Variants in WDPCP observed in about 807,000 individuals in gnomAD.
The protein encoded by WDPCP is WD repeat-containing and planar cell polarity effector protein fritz homolog.
In WDPCP, 71 loss-of-function variants were observed where a neutral mutation model predicts 93.1. That is an observed-to-expected ratio of 0.76 (90% confidence interval 0.63 to 0.93). The LOEUF (loss-of-function observed/expected upper bound fraction) is 0.93. Among genes scored for constraint, WDPCP ranks in the 40% least tolerant of loss-of-function variants. The pLI is 0.00. For missense variants in WDPCP, 844 were observed against 887.4 expected, an observed-to-expected ratio of 0.95 and a Z score of 0.62; for synonymous variants, 315 against 315.0, an observed-to-expected ratio of 1.00 and a Z score of 0.00.
chr2:63,807,446 A>C (rs1308815129), intron 2 of WDPCP, among the ~76,000 whole-genome samples: 4 of 152,116 alleles, frequency 2.6e-5, no homozygotes. Flanking sequence ...TTACACCATG[A>C]TTGGAAGCTT....
At chr2:63,280,081 TACC>T (rs1683408119) in intron 13 of WDPCP, among the ~76,000 whole-genome samples, 1 of 152,136 alleles carries the variant, frequency 6.6e-6, no homozygotes, top group South Asian at 2.1e-4. Flanking sequence ...AGTCTACAAA[TACC>T]ACCATCATTC....
intron 1 of WDPCP, among the ~76,000 whole-genome samples, chr2:63,522,447 G>GACACACACAC (rs1190142205): frequency 1.0e-5 from 1 of 96,656 alleles, no homozygotes; most frequent in African/African-American, 3.8e-5. Flanking sequence ...AAGACAGACA[G>GACACACACAC]ACAGACAGAC....
intron 2 of WDPCP, among the ~76,000 whole-genome samples, chr2:63,673,559 G>C (rs1390514984): frequency 6.6e-6 from 1 of 152,086 alleles, no homozygotes; most frequent in African/African-American, 2.4e-5. Flanking sequence ...TCATTGGTGG[G>C]AGAGGCTGGA....
At chr2:63,667,429 G>A (rs1237872563) in intron 2 of WDPCP, among the ~76,000 whole-genome samples, 1 of 152,200 alleles carries the variant, frequency 6.6e-6, no homozygotes, top group Non-Finnish European at 1.5e-5. Flanking sequence ...ACTCTGAAAT[G>A]ATGTTTTGCT....
chr2:63,502,472 C>A (rs563744289), intron 1 of WDPCP, among the ~76,000 whole-genome samples: 1 of 152,298 alleles, frequency 6.6e-6, no homozygotes, highest in East Asian at 1.9e-4. Flanking sequence ...ATATCCTCAA[C>A]AGCATGCAGC....
intron 3 of WDPCP, among the ~76,000 whole-genome samples, chr2:63,602,895 A>C (rs1221743533): frequency 7.1e-6 from 1 of 140,056 alleles, no homozygotes; most frequent in African/African-American, 2.6e-5. Flanking sequence ...TATTTATTCC[A>C]TTGCCTATGT....
chr2:63,820,717 G>A (rs1273066233), intron 1 of WDPCP, among the ~76,000 whole-genome samples: 1 of 152,026 alleles, frequency 6.6e-6, no homozygotes, highest in Non-Finnish European at 1.5e-5. Flanking sequence ...GGAAACGGTG[G>A]TTTTTTGGGG....
At chr2:63,491,953 G>A (rs1392656640) in intron 2 of WDPCP, among the ~76,000 whole-genome samples, 2 of 152,092 alleles carry the variant, frequency 1.3e-5, no homozygotes, top group African/African-American at 4.8e-5. Context: ...TCTGTCGAAA[G>A]GGTTTATACC....
intron 6 of WDPCP, among the ~76,000 whole-genome samples, chr2:63,465,134 ATTATTTATTTAT>A (rs912139828): frequency 6.6e-6 from 1 of 151,672 alleles, no homozygotes; most frequent in Non-Finnish European, 1.5e-5. Flanking sequence ...AAATTTATTT[ATTATTTATTTAT>A]TTATTTATTT....
intron 3 of WDPCP, among the ~76,000 whole-genome samples, chr2:63,635,756 C>T (rs938326244): frequency 1.2e-4 from 18 of 152,132 alleles, no homozygotes; most frequent in African/African-American, 3.9e-4. Context: ...ATCATTTCAA[C>T]GGTGAAAATC....
At chr2:63,680,505 C>T (rs1471438352) in intron 2 of WDPCP, among the ~76,000 whole-genome samples, 1 of 152,188 alleles carries the variant, frequency 6.6e-6, no homozygotes, top group East Asian at 1.9e-4. Context: ...TTTGGACCAG[C>T]CCTGGCCAGA....
intron 2 of WDPCP, among the ~76,000 whole-genome samples, chr2:63,730,829 G>A (rs1575760064): frequency 6.6e-6 from 1 of 152,050 alleles, no homozygotes; most frequent in African/African-American, 2.4e-5. Flanking sequence ...AAAATAAGCA[G>A]TGATTAAATG....
chr2:63,197,558 C>T (rs1214940538), intron 14 of WDPCP, among the ~76,000 whole-genome samples: 1 of 152,104 alleles, frequency 6.6e-6, no homozygotes, highest in Non-Finnish European at 1.5e-5. Flanking sequence ...AGAAAGCCTA[C>T]CTATTGAAGT....
chr2:63,313,215 G>T, intron 13 of WDPCP, 33 bp downstream of exon 13: 1 of 1,599,802 alleles, frequency 6.3e-7, no homozygotes, highest in South Asian at 1.1e-5. Flanking sequence ...CCTTAGAACT[G>T]AAGGCACAAA....
chr2:63,348,221 A>G (rs1297783329), intron 12 of WDPCP, among the ~76,000 whole-genome samples: 2 of 152,206 alleles, frequency 1.3e-5, no homozygotes, highest in African/African-American at 4.8e-5. Context: ...TAACTCACCC[A>G]AAGTTACCCA....
intron 13 of WDPCP, among the ~76,000 whole-genome samples, chr2:63,270,184 C>G (rs1330290966): frequency 6.6e-6 from 1 of 152,016 alleles, no homozygotes; most frequent in East Asian, 1.9e-4. Context: ...TGTATTAGGT[C>G]ACAACAATGA....
intron 1 of WDPCP, among the ~76,000 whole-genome samples, chr2:63,562,042 A>G (rs777240357): frequency 6.6e-6 from 1 of 152,230 alleles, no homozygotes; most frequent in Non-Finnish European, 1.5e-5. Context: ...AGGAGTATCA[A>G]TCATTCTGTT....
At chr2:63,687,184 G>A (rs1220773533) in intron 2 of WDPCP, among the ~76,000 whole-genome samples, 2 of 152,210 alleles carry the variant, frequency 1.3e-5, no homozygotes, top group African/African-American at 4.8e-5. Flanking sequence ...GCCATGGGTT[G>A]GACAAGCTTG....
Position 63,560,677 on chromosome 2 carries a change from T to C in WDPCP, c.75+27520A>G, listed in dbSNP as rs1167357502. Among the ~76,000 whole-genome samples, 3 of 152,154 alleles carry C rather than the reference T, an allele frequency of 2.0e-5. No homozygotes were observed. The East Asian group carries it at 5.8e-4, about 29-fold the overall frequency. ...ATACAAAAGGGTGAGTTTATGTCCT[T>C]TGCAGGGACATAGATGAAGCTGGAA... On this transcript the variant is annotated intron_variant, in intron 1 of 17. Coordinates refer to ENST00000272321, the MANE Select transcript of WDPCP (RefSeq NM_015910.7).
Sources: allele counts gnomAD v4.1 joint callset (sites outside exome capture counted in the v4.1 genomes callset), GRCh38; gene constraint gnomAD v4.1.1; transcripts MANE v1.5; gene names NCBI Gene and HGNC (gene_info 2026-07-23, HGNC 2026-07-21).